Variants in PRMT3 observed in about 807,000 individuals in gnomAD.
The protein encoded by PRMT3 is protein arginine N-methyltransferase 3.
PRMT3 carries 62 observed loss-of-function variants against 71.9 expected under a neutral mutation model. The ratio of observed to expected loss-of-function variants is 0.86; its 90% CI spans 0.70 to 1.07. The LOEUF (loss-of-function observed/expected upper bound fraction) is 1.07, where lower values mean the gene tolerates loss of function less well. Among genes scored for constraint, PRMT3 ranks in the 50% least tolerant of loss-of-function variants. PRMT3 has a pLI of 0.00. For missense variants in PRMT3, 663 were observed against 643.0 expected (o/e 1.03, Z -0.34); for synonymous variants, 213 against 220.4 (o/e 0.97, Z 0.30).
chr11:20,476,019 G>A (rs913537668), intron 13 of PRMT3, among the ~76,000 whole-genome samples: 7 of 151,782 alleles, frequency 4.6e-5, no homozygotes, highest in Admixed American at 2.0e-4. Context: ...TGCTGACTAT[G>A]TGCCAAGTAC....
intron 6 of PRMT3, among the ~76,000 whole-genome samples, chr11:20,397,237 C>T (rs113461403): frequency 3.9e-5 from 6 of 151,972 alleles, no homozygotes; most frequent in Admixed American, 1.3e-4. Context: ...CTGAAATAAA[C>T]GACATTGATT....
At chr11:20,429,040 A>G (rs1177673938) in intron 10 of PRMT3, among the ~76,000 whole-genome samples, 3 of 152,148 alleles carry the variant, frequency 2.0e-5, no homozygotes, top group Non-Finnish European at 4.4e-5. Flanking sequence ...TCCTCTGTAT[A>G]AGTGACTTTT....
intron 13 of PRMT3, among the ~76,000 whole-genome samples, chr11:20,474,522 G>A (rs772323433): frequency 2.0e-5 from 3 of 152,186 alleles, no homozygotes; most frequent in Non-Finnish European, 4.4e-5. Context: ...ATGCCCCAGC[G>A]GCTGCTCTGC....
chr11:20,508,278 TAAC>T (rs757358485), intron 15 of PRMT3, 23 bp from the exon 16 acceptor site: 28 of 1,420,726 alleles, frequency 2.0e-5, no homozygotes, highest in Non-Finnish European at 2.6e-5. Flanking sequence ...CTTGAATTCT[TAAC>T]AATTTTTGCC....
intron 10 of PRMT3, among the ~76,000 whole-genome samples, chr11:20,437,149 TTTCTC>T (rs1301801734): frequency 6.6e-6 from 1 of 152,146 alleles, no homozygotes; most frequent in East Asian, 1.9e-4. Context: ...ATTTTGGTGT[TTTCTC>T]TTTTTTTTTC....
chr11:20,427,552 C>T (rs145559760), intron 10 of PRMT3, among the ~76,000 whole-genome samples: 2 of 152,136 alleles, frequency 1.3e-5, no homozygotes, highest in African/African-American at 4.8e-5. Context: ...TGATGAAACC[C>T]CATCTCTACT....
At position 20,508,216 on chromosome 11, in the gene PRMT3, A is replaced by G. The variant is rs995323042; in HGVS notation, c.1487-88A>G. ...GTTTAAAAAGTGGGAAAACATCACAATAAAAAGAAGTGCTAGTTATACATT... is the reference window on the plus strand; with the variant it reads ...GTTTAAAAAGTGGGAAAACATCACAGTAAAAAGAAGTGCTAGTTATACATT... On this transcript the variant is annotated intron_variant, in intron 15 of 15. Transcript: ENST00000331079. The G allele has an allele frequency of 6.2e-6, 4 of 645,242 alleles. No individual in the cohort carries two copies. The African/African-American group carries it at 7.4e-5, about 12-fold the overall frequency. 40.0% of individuals were successfully genotyped at this position (645,242 alleles called of 1,614,324 possible).
At chr11:20,458,710 T>C (rs991586529) in intron 11 of PRMT3, among the ~76,000 whole-genome samples, 2 of 152,176 alleles carry the variant, frequency 1.3e-5, no homozygotes, top group African/African-American at 4.8e-5. Flanking sequence ...TATTCATAGA[T>C]CTTACTAACC....
chr11:20,479,960 T>G (rs1850890731), intron 13 of PRMT3, among the ~76,000 whole-genome samples: 1 of 152,114 alleles, frequency 6.6e-6, no homozygotes, highest in Non-Finnish European at 1.5e-5. Context: ...TGGAATAAAA[T>G]AAAGCATTGA....
chr11:20,441,959 A>G (rs952529574), intron 10 of PRMT3, among the ~76,000 whole-genome samples: 2 of 151,130 alleles, frequency 1.3e-5, no homozygotes, highest in African/African-American at 4.9e-5. Context: ...CGCCCGGCTA[A>G]TTTTTGTATT....
intron 10 of PRMT3, among the ~76,000 whole-genome samples, chr11:20,436,594 T>C (rs996704153): frequency 1.3e-5 from 2 of 152,200 alleles, no homozygotes; most frequent in Admixed American, 6.5e-5. Flanking sequence ...TATTGACTTG[T>C]GTACATTTTG....
At chr11:20,441,706 C>T (rs965443941) in intron 10 of PRMT3, among the ~76,000 whole-genome samples, 5 of 151,410 alleles carry the variant, frequency 3.3e-5, no homozygotes, top group African/African-American at 9.7e-5. Flanking sequence ...TTTATACTTG[C>T]GTCTCTTTAC....
intron 9 of PRMT3, among the ~76,000 whole-genome samples, chr11:20,414,448 T>G (rs1034207974): frequency 1.3e-5 from 2 of 152,168 alleles, no homozygotes; most frequent in African/African-American, 4.8e-5. Flanking sequence ...AGAAATTGTT[T>G]CTTATTTTTG....
At position 20,439,667 on chromosome 11, in the gene PRMT3, T is replaced by C. The variant is rs562484145; in HGVS notation, c.994-12463T>C. ...ATACTGTAAGTAAGTGGAGATAATATTACCATGTTTGAAGTTTGGAAGACA... is the reference window on the plus strand; with the variant it reads ...ATACTGTAAGTAAGTGGAGATAATACTACCATGTTTGAAGTTTGGAAGACA... On this transcript the variant is annotated intron_variant, in intron 10 of 15. Transcript: ENST00000331079. Among the ~76,000 whole-genome samples the C allele has an allele frequency of 2.0e-5, 3 of 152,332 alleles. No homozygotes were observed. In the South Asian group the frequency reaches 6.2e-4, roughly 32 times the overall value.
chr11:20,401,420 T>C (rs1334520199), intron 7 of PRMT3, among the ~76,000 whole-genome samples: 1 of 152,188 alleles, frequency 6.6e-6, no homozygotes, highest in Non-Finnish European at 1.5e-5. Flanking sequence ...GGAGAAGATT[T>C]AATAATTTTT....
chr11:20,507,810 T>TA (rs1565245182), intron 15 of PRMT3, among the ~76,000 whole-genome samples: 4 of 149,558 alleles, frequency 2.7e-5, no homozygotes, highest in Middle Eastern at 3.7e-3. Flanking sequence ...AATGCTGCTC[T>TA]AAAAAATGAA....
intron 10 of PRMT3, among the ~76,000 whole-genome samples, chr11:20,435,454 A>G (rs1306338836): frequency 6.6e-6 from 1 of 152,140 alleles, no homozygotes; most frequent in Non-Finnish European, 1.5e-5. Flanking sequence ...CACCCACGTC[A>G]GCCTCCCAAA....
At chr11:20,409,296 G>A (rs760372185) in intron 9 of PRMT3, among the ~76,000 whole-genome samples, 8 of 152,126 alleles carry the variant, frequency 5.3e-5, no homozygotes, top group South Asian at 4.2e-4. Context: ...TTGGAACTTC[G>A]GTTAAAGTAC....
At position 20,462,588 on chromosome 11, in the gene PRMT3, G is replaced by T. The variant is rs115061093; in HGVS notation, c.1260+421G>T. On this transcript the variant is annotated intron_variant, in intron 12 of 15. Coordinates refer to ENST00000331079, the MANE Select transcript of PRMT3 (RefSeq NM_005788.4). ...TTCTCTCATTCAGATTTCTTCCAGCGTTTTCAGATTAAGTAATTACATATA... is the reference window on the plus strand; with the variant it reads ...TTCTCTCATTCAGATTTCTTCCAGCTTTTTCAGATTAAGTAATTACATATA... 9.5e-3 allele frequency among the ~76,000 whole-genome samples: 1,450 copies of T among 152,114 alleles called. 31 individuals carry two copies. The highest frequency in any genetic ancestry group is 0.034 in the African/African-American group (1,399 of 41,490).
Sources: allele counts gnomAD v4.1 joint callset (sites outside exome capture counted in the v4.1 genomes callset), GRCh38; gene constraint gnomAD v4.1.1; transcripts MANE v1.5; gene names NCBI Gene and HGNC (gene_info 2026-07-23, HGNC 2026-07-21).